Variants in CNTLN observed in about 807,000 individuals in gnomAD.
CNTLN encodes the protein centlein, also known as centlein, centrosomal protein.
In CNTLN, 212 loss-of-function variants were observed where a neutral mutation model predicts 180.0. The ratio of observed to expected loss-of-function variants is 1.18; its 90% CI spans 1.05 to 1.32. The LOEUF (loss-of-function observed/expected upper bound fraction) is 1.32, where lower values mean the gene tolerates loss of function less well. Ranked by LOEUF, CNTLN falls within the 40% of genes most tolerant of loss-of-function variation. The pLI, the probability that CNTLN is intolerant of heterozygous loss-of-function variation, is 0.00. For synonymous variants in CNTLN, 722 were observed against 563.1 expected (o/e 1.28, Z -3.99); for missense variants, 2,095 against 1,610.9 (o/e 1.30, Z -5.14).
intron 25 of CNTLN, among the ~76,000 whole-genome samples, chr9:17,495,587 A>T (rs1402340164): frequency 1.3e-5 from 2 of 152,180 alleles, no homozygotes; most frequent in Non-Finnish European, 2.9e-5. Flanking sequence ...ATTAAAGCTT[A>T]CAAAGTAAAG....
At chr9:17,368,469 C>G (rs568595643) in intron 13 of CNTLN, among the ~76,000 whole-genome samples, 1 of 152,308 alleles carries the variant, frequency 6.6e-6, no homozygotes, top group South Asian at 2.1e-4. Flanking sequence ...TCACAGTCTG[C>G]TCTTTGCAGA....
intron 2 of CNTLN, among the ~76,000 whole-genome samples, chr9:17,144,931 TC>T (rs2131453785): frequency 6.6e-6 from 1 of 151,244 alleles, no homozygotes; most frequent in South Asian, 2.1e-4. Flanking sequence ...AAGCTCCGCT[TC>T]CCGGGTTCAC....
intron 8 of CNTLN, among the ~76,000 whole-genome samples, chr9:17,314,894 G>T (rs1378803678): frequency 1.3e-5 from 2 of 152,112 alleles, no homozygotes; most frequent in African/African-American, 2.4e-5. Flanking sequence ...ACTTTTTAAA[G>T]ACTATTTTAA....
At chr9:17,201,096 AT>A (rs1563874444) in intron 2 of CNTLN, among the ~76,000 whole-genome samples, 1 of 151,862 alleles carries the variant, frequency 6.6e-6, no homozygotes, top group African/African-American at 2.4e-5. Flanking sequence ...TAATCATGTG[AT>A]TTTTGTCATT....
intron 13 of CNTLN, among the ~76,000 whole-genome samples, chr9:17,379,917 T>C (rs1424928397): frequency 6.6e-6 from 1 of 152,168 alleles, no homozygotes; most frequent in Non-Finnish European, 1.5e-5. Context: ...TTCTCTTTAC[T>C]GAAAATTGCA....
chr9:17,293,412 C>T (rs1329254068), intron 6 of CNTLN, among the ~76,000 whole-genome samples: 3 of 152,206 alleles, frequency 2.0e-5, no homozygotes, highest in Admixed American at 6.5e-5. Context: ...GTGGCTGCCT[C>T]TCCCACTAGA....
chr9:17,494,241 A>C (rs1040256800), intron 25 of CNTLN, among the ~76,000 whole-genome samples: 5 of 152,248 alleles, frequency 3.3e-5, no homozygotes, highest in Admixed American at 3.3e-4. Context: ...TCTCCCCAGA[A>C]GATGCCTAAC....
intron 2 of CNTLN, among the ~76,000 whole-genome samples, chr9:17,176,760 A>G (rs1418006178): frequency 6.6e-6 from 1 of 152,110 alleles, no homozygotes; most frequent in African/African-American, 2.4e-5. Context: ...GCTTTCCTTA[A>G]TAGTTATAGG....
At chr9:17,455,802 AGTGGCAGGCAGGTTTGG>A (rs1271799618) in intron 18 of CNTLN, among the ~76,000 whole-genome samples, 1 of 28,974 alleles carries the variant, frequency 3.5e-5, no homozygotes, top group African/African-American at 8.1e-5. Flanking sequence ...AGGTTTGGGG[AGTGGCAGGCAGGTTTGG>A]GGAATGGCAG....
intron 2 of CNTLN, among the ~76,000 whole-genome samples, chr9:17,168,935 G>A (rs2131635624): frequency 6.6e-6 from 1 of 152,186 alleles, no homozygotes. Flanking sequence ...CAGGAGTTAT[G>A]GAAAGTTTGT....
intron 6 of CNTLN, among the ~76,000 whole-genome samples, chr9:17,282,005 C>T (rs1828696559): frequency 6.6e-6 from 1 of 152,188 alleles, no homozygotes; most frequent in Admixed American, 6.5e-5. Context: ...GCTCTGTTGC[C>T]AGGCTGGAGT....
chr9:17,334,014 TG>T (rs1173209603), intron 10 of CNTLN, among the ~76,000 whole-genome samples: 1 of 152,188 alleles, frequency 6.6e-6, no homozygotes, highest in African/African-American at 2.4e-5. Flanking sequence ...CAGGATATTA[TG>T]GGCATTTTTG....
intron 18 of CNTLN, among the ~76,000 whole-genome samples, chr9:17,441,311 A>T (rs1830093839): frequency 6.6e-6 from 1 of 152,196 alleles, no homozygotes; most frequent in Non-Finnish European, 1.5e-5. Context: ...GTGGTGTGTA[A>T]TCACTTTTTA....
chr9:17,366,578 C>T, intron 12 of CNTLN, 39 bp from the exon 13 acceptor site: 1 of 989,688 alleles, frequency 1.0e-6, no homozygotes, highest in Non-Finnish European at 1.6e-6. Context: ...TTAAATAAAA[C>T]AATATGGTTT....
In CNTLN at chr9:17,135,052, T is replaced by A; in HGVS notation, c.-14T>A. ...GTTTCCAACAGGGAACTTGACCCGT[T>A]AGCAGCCGCAGCCATGGCGGCGCGT... On this transcript the variant is annotated 5_prime_UTR_variant, in exon 1 of 26. Transcript: ENST00000380647. 6.3e-7 allele frequency: 1 copy of A among 1,590,084 alleles called. No individual in the cohort carries two copies. The highest frequency in any genetic ancestry group is 8.5e-7 in the Non-Finnish European group (1 of 1,173,946).
At chr9:17,374,250 G>C (rs1341720873) in intron 13 of CNTLN, among the ~76,000 whole-genome samples, 3 of 152,042 alleles carry the variant, frequency 2.0e-5, no homozygotes, top group South Asian at 2.1e-4. Context: ...TATATAAGCA[G>C]CTAAAAACTA....
chr9:17,336,052 G>A (rs530870557), intron 10 of CNTLN, among the ~76,000 whole-genome samples: 49 of 152,256 alleles, frequency 3.2e-4, no homozygotes, highest in African/African-American at 8.7e-4. Context: ...GCACCTGCCT[G>A]TGGAATATTT....
At position 17,213,883 on chromosome 9, in the gene CNTLN, C is replaced by T. The variant is rs192807751; in HGVS notation, c.450-12320C>T. Among the ~76,000 whole-genome samples, 97 of 152,146 alleles carry T rather than the reference C, an allele frequency of 6.4e-4. 1 individual carries two copies. The East Asian group carries it at 0.011, about 17-fold the overall frequency. On this transcript the variant is annotated intron_variant, in intron 2 of 25. Coordinates refer to ENST00000380647, the MANE Select transcript of CNTLN (RefSeq NM_017738.4). ...CAGACACCAGGATTGCAACCCCTGC[C>T]TTTTTTTGTTTTCCATTTTCTTGGT...
intron 2 of CNTLN, among the ~76,000 whole-genome samples, chr9:17,216,414 C>T (rs183129304): frequency 6.6e-6 from 1 of 152,228 alleles, no homozygotes; most frequent in East Asian, 1.9e-4. Context: ...GTAATGAAAA[C>T]TCAATTCTGG....
Sources: gnomAD v4.1 joint callset for allele counts (sites outside exome capture counted in the v4.1 genomes callset) on GRCh38, gnomAD v4.1.1 for gene constraint, MANE v1.5 for transcripts, NCBI Gene and HGNC (gene_info 2026-07-23, HGNC 2026-07-21) for gene names.